Variants in EDEM1 observed in about 807,000 individuals in gnomAD.
The protein encoded by EDEM1 is ER degradation enhancing alpha-mannosidase like protein 1, also known as ER degradation-enhancing alpha-mannosidase-like protein 1.
A neutral mutation model predicts 74.4 loss-of-function variants in EDEM1; 67 were observed. That is an observed-to-expected ratio of 0.90 (90% CI 0.74 to 1.10). EDEM1 has a LOEUF of 1.10. Ranked by LOEUF, EDEM1 falls within the 50% of genes least tolerant of loss-of-function variation. The pLI, the probability that EDEM1 is intolerant of heterozygous loss-of-function variation, is 0.00. For synonymous variants in EDEM1, 382 were observed against 335.9 expected, an observed-to-expected ratio of 1.14 and a Z score of -1.50; for missense variants, 926 against 851.6, an observed-to-expected ratio of 1.09 and a Z score of -1.09.
chr3:5,214,455 C>T (rs953710360), intron 11 of EDEM1, among the ~76,000 whole-genome samples: 4 of 151,914 alleles, frequency 2.6e-5, no homozygotes, highest in Non-Finnish European at 2.9e-5. Flanking sequence ...GATAACCACC[C>T]CCGCCCCCAT....
At position 5,211,006 on chromosome 3, in the gene EDEM1, A is replaced by C. The variant is rs186499211; in HGVS notation, c.1584-114A>C. On this transcript the variant is annotated intron_variant, in intron 9 of 11. Transcript: ENST00000256497. ...AGCCCCTCAATGTAAACATAGTTTC[A>C]TATGGTGTTGGATGACTGGTTGATT... The C allele has an allele frequency of 2.7e-4, 255 of 929,696 alleles. 1 individual carries two copies. In the African/African-American group the frequency reaches 3.9e-3, roughly 14 times the overall value. 57.6% of individuals were successfully genotyped at this position (929,696 alleles called of 1,614,324 possible). A position where few individuals can be genotyped will look rare whatever the true frequency, so the allele number is the denominator to read the frequency against.
intron 1 of EDEM1, among the ~76,000 whole-genome samples, chr3:5,188,759 A>C (rs531636143): frequency 6.6e-6 from 1 of 152,264 alleles, no homozygotes; most frequent in South Asian, 2.1e-4. Context: ...CCCCACCTCT[A>C]TCACATTGCC....
At position 5,188,276 on chromosome 3, in the gene EDEM1, C is replaced by T. The variant is rs2054853496; in HGVS notation, c.471C>T (p.Pro157=). 1.9e-6 allele frequency: 3 copies of T among 1,551,208 alleles called. No individual in the cohort carries two copies. Among genetic ancestry groups the T allele is most frequent in the East Asian group, 2.6e-5 (1 of 38,228 alleles). Residue 157 remains proline (P), a synonymous_variant, in exon 1 of 12, where the codon CCC becomes CCT. Coordinates refer to ENST00000256497, the MANE Select transcript of EDEM1 (RefSeq NM_014674.3). The part of the protein sequence containing the change: ...AHAFPQDELN[P]IHCRGRGPDR... The stretch of plus-strand genomic sequence containing the variant: ...CCTTCCCCCAGGACGAGCTCAACCC[C>T]ATCCACTGCCGCGGCCGTGGGCCCG...
At chr3:5,197,880 G>C (rs2054988582) in intron 2 of EDEM1, among the ~76,000 whole-genome samples, 2 of 152,166 alleles carry the variant, frequency 1.3e-5, no homozygotes, top group East Asian at 1.9e-4. Flanking sequence ...AATGTAGTTA[G>C]GCACAGCTTG....
chr3:5,204,611 C>T (rs926928407), intron 5 of EDEM1, among the ~76,000 whole-genome samples: 17 of 152,088 alleles, frequency 1.1e-4, no homozygotes, highest in African/African-American at 3.6e-4. Context: ...AGGCTGGTCT[C>T]GAACTCCTGA....
intron 1 of EDEM1, among the ~76,000 whole-genome samples, chr3:5,188,801 T>C (rs2054863869): frequency 6.6e-6 from 1 of 152,166 alleles, no homozygotes; most frequent in Non-Finnish European, 1.5e-5. Flanking sequence ...AAAAAGCCTA[T>C]AGTTGACTTC....
intron 2 of EDEM1, among the ~76,000 whole-genome samples, chr3:5,198,671 T>G (rs1430414888): frequency 2.7e-5 from 4 of 150,430 alleles, no homozygotes; most frequent in Non-Finnish European, 5.9e-5. Context: ...GCTTTTTTTT[T>G]TTTTTTTTTT....
chr3:5,188,882 G>A (rs1353407636), intron 1 of EDEM1, among the ~76,000 whole-genome samples: 2 of 152,194 alleles, frequency 1.3e-5, no homozygotes, highest in African/African-American at 2.4e-5. Context: ...TGCTTCTTAG[G>A]CTGAGGATAG....
intron 1 of EDEM1, 54 bp downstream of exon 1, chr3:5,188,368 C>T (rs1487087004): frequency 1.5e-6 from 2 of 1,363,266 alleles, no homozygotes; most frequent in Non-Finnish European, 1.9e-6. Context: ...CTTCCGCCCT[C>T]CGCGCCGGGG....
intron 1 of EDEM1, among the ~76,000 whole-genome samples, chr3:5,189,061 T>G (rs1311936757): frequency 6.6e-6 from 1 of 152,234 alleles, no homozygotes; most frequent in African/African-American, 2.4e-5. Context: ...CAGTCTTCCC[T>G]GTTCACCAGC....
At chr3:5,201,666 A>G (rs1171091310) in intron 3 of EDEM1, 87 bp from the exon 4 acceptor site, 11 of 1,517,484 alleles carry the variant, frequency 7.2e-6, no homozygotes, top group Non-Finnish European at 1.0e-5. Flanking sequence ...CTATGTGGAT[A>G]TGAACATACT....
At position 5,218,787 on chromosome 3, in the gene EDEM1, C is replaced by G. The variant is rs1296607974; in HGVS notation, c.*2869C>G. ...TAGGTGGCAAGGGAGGGTTTGCTAG[C>G]TCTCCATTTGCACTGGCCATTGTGA... On this transcript the variant is annotated 3_prime_UTR_variant, in exon 12 of 12. Transcript: ENST00000256497. 1 of 152,180 alleles carries G rather than the reference C, an allele frequency of 6.6e-6. No homozygotes were observed. The highest frequency in any genetic ancestry group is 1.9e-4 in the East Asian group (1 of 5,198). 9.4% of individuals were successfully genotyped at this position (152,180 alleles called of 1,614,324 possible). A position where few individuals can be genotyped will look rare whatever the true frequency, so the allele number is the denominator to read the frequency against.
chr3:5,199,451 G>T, intron 2 of EDEM1, 141 bp from the exon 3 acceptor site: 1 of 593,190 alleles, frequency 1.7e-6, no homozygotes, highest in Middle Eastern at 2.7e-4. Context: ...AGAAATAACT[G>T]CTTTTCTGTC....
intron 11 of EDEM1, among the ~76,000 whole-genome samples, chr3:5,213,738 G>T (rs911814786): frequency 6.6e-6 from 1 of 152,218 alleles, no homozygotes; most frequent in Non-Finnish European, 1.5e-5. Flanking sequence ...GCAGGTGCTG[G>T]TGGGGAGAGT....
At chr3:5,208,026 C>T (rs1251816365) in intron 7 of EDEM1, 67 bp from the exon 8 acceptor site, 2 of 1,498,358 alleles carry the variant, frequency 1.3e-6, no homozygotes, top group South Asian at 2.8e-5. Flanking sequence ...CCAGGCAGGC[C>T]CTTTGTGCCA....
In EDEM1 at chr3:5,201,901, A is replaced by G. The variant is rs2055039603; in HGVS notation, c.835A>G (p.Lys279Glu). Residue 279 changes from lysine (K) to glutamate (E), a missense_variant, in exon 4 of 12, where the codon AAG becomes GAG. Transcript: ENST00000256497. ...GCTCCTCCCTGCTTTTGAAAACACC[A>G]AGACAGGGATTCCATATCCTCGGGT... ...VRLLPAFENT[K>E]TGIPYPRVNL... The G allele has an allele frequency of 3.1e-6, 5 of 1,613,866 alleles. No homozygotes were observed. Among genetic ancestry groups the G allele is most frequent in the Non-Finnish European group, 4.2e-6 (5 of 1,179,952 alleles).
intron 2 of EDEM1, among the ~76,000 whole-genome samples, chr3:5,197,543 AC>A (rs1471535460): frequency 3.9e-5 from 6 of 152,340 alleles, no homozygotes; most frequent in African/African-American, 1.2e-4. Context: ...TCCTGTCAGC[AC>A]CTGCAGCTTC....
chr3:5,202,005 G>C, intron 4 of EDEM1, 81 bp downstream of exon 4: 1 of 1,499,126 alleles, frequency 6.7e-7, no homozygotes, highest in South Asian at 1.3e-5. Flanking sequence ...TAATTTATTT[G>C]GGAGAAGGAA....
intron 2 of EDEM1, among the ~76,000 whole-genome samples, chr3:5,195,758 C>A (rs762696425): frequency 6.6e-5 from 10 of 152,236 alleles, no homozygotes; most frequent in Non-Finnish European, 1.3e-4. Context: ...TTTGCCACTT[C>A]CTGTTTTGTG....
Sources: gnomAD v4.1 joint callset for allele counts (sites outside exome capture counted in the v4.1 genomes callset) on GRCh38, gnomAD v4.1.1 for gene constraint, MANE v1.5 for transcripts, NCBI Gene and HGNC (gene_info 2026-07-23, HGNC 2026-07-21) for gene names.